Variants in UBAP2 observed in about 807,000 individuals in gnomAD.
UBAP2 encodes ubiquitin associated protein 2, also known as ubiquitin-associated protein 2.
Under a neutral mutation model 139.6 loss-of-function variants are expected in UBAP2, and 75 were observed. That is an observed-to-expected ratio of 0.54 (90% CI 0.45 to 0.65). The LOEUF (loss-of-function observed/expected upper bound fraction) is 0.65, where lower values mean the gene tolerates loss of function less well. Ranked by LOEUF, UBAP2 falls within the 30% of genes least tolerant of loss-of-function variation. UBAP2 has a pLI of 0.00. For synonymous variants in UBAP2, 526 were observed against 526.2 expected (o/e 1.00, Z 0.01); for missense variants, 1,368 against 1,369.6 (o/e 1.00, Z 0.02).
intron 27 of UBAP2, 28 bp downstream of exon 27, chr9:33,922,938 A>T: frequency 6.2e-7 from 1 of 1,614,110 alleles, no homozygotes; most frequent in Non-Finnish European, 8.5e-7. Flanking sequence ...TCAAAAACCT[A>T]TACACCCAAC....
intron 10 of UBAP2, among the ~76,000 whole-genome samples, chr9:33,958,028 T>G (rs570551484): frequency 1.1e-3 from 166 of 152,206 alleles, no homozygotes; most frequent in Non-Finnish European, 1.9e-3. Context: ...TCACTGAGGC[T>G]CACTGCAGCT....
At chr9:33,994,945 G>C (rs1478589886) in intron 4 of UBAP2, 1 of 152,114 alleles carries the variant, frequency 6.6e-6, no homozygotes, top group African/African-American at 2.4e-5. Flanking sequence ...GACACGGTCA[G>C]TTTGTTTGTT....
chr9:33,986,017 C>A (rs1435986491), intron 6 of UBAP2, among the ~76,000 whole-genome samples: 1 of 151,542 alleles, frequency 6.6e-6, no homozygotes, highest in Admixed American at 6.6e-5. Flanking sequence ...TAAGACCCTG[C>A]ATTTAATTAT....
Position 33,935,886 on chromosome 9 carries a change from G to T in UBAP2, c.1930-8C>A, listed in dbSNP as rs772149406. 1.9e-6 allele frequency: 3 copies of T among 1,610,942 alleles called. No individual in the cohort carries two copies. The Admixed American group carries it at 5.1e-5, about 27-fold the overall frequency. On this transcript the variant is annotated splice_polypyrimidine_tract_variant and splice_region_variant and intron_variant, in intron 16 of 28. Transcript: ENST00000379238. ...ACCACCACCATGTCCATTCTATAAG[G>T]AAAAGAAGAGAAGAGAATATAAACT...
chr9:34,019,608 G>C (rs542552898), intron 1 of UBAP2, among the ~76,000 whole-genome samples: 1 of 151,570 alleles, frequency 6.6e-6, no homozygotes, highest in African/African-American at 2.4e-5. Context: ...GTGGTTGCAC[G>C]ACAATGTAAA....
rs976131556 is a variant in UBAP2, at chr9:34,009,192, T to G, written c.99+7858A>C. 4.3e-4 allele frequency among the ~76,000 whole-genome samples: 66 copies of G among 151,818 alleles called. 1 individual carries two copies. Among genetic ancestry groups the G allele is most frequent in the African/African-American group, 1.4e-3 (60 of 41,456 alleles). The stretch of plus-strand genomic sequence containing the variant: ...TCGGCTCACTGCAACCTCTGCCTCC[T>G]GGGTTCAAGTGATTCTTGTGCCTCA... On this transcript the variant is annotated intron_variant, in intron 2 of 28. Coordinates refer to ENST00000379238, the MANE Select transcript of UBAP2 (RefSeq NM_001370062.2).
chr9:33,961,503 C>T (rs1827042137), intron 9 of UBAP2, among the ~76,000 whole-genome samples: 1 of 152,072 alleles, frequency 6.6e-6, no homozygotes, highest in Non-Finnish European at 1.5e-5. Context: ...TCATCCATAA[C>T]ACATCTAAGT....
intron 2 of UBAP2, 116 bp from the exon 3 acceptor site, chr9:33,998,980 T>G (rs1183940357): frequency 1.3e-6 from 1 of 753,038 alleles, no homozygotes; most frequent in Non-Finnish European, 2.2e-6. Flanking sequence ...TAACAACAAA[T>G]AAAAGACAGT....
intron 1 of UBAP2, among the ~76,000 whole-genome samples, chr9:34,028,335 CCTG>C (rs1487040343): frequency 2.0e-5 from 3 of 149,234 alleles, no homozygotes; most frequent in Admixed American, 6.8e-5. Flanking sequence ...CTATTCCTAT[CCTG>C]CTAATTCAGC....
rs764780223 is a variant in UBAP2, at chr9:33,948,501, T to C, written c.1143A>G (p.Lys381=). ...TGGTAAACTGGCCCAAACTCGGAGCTTTCAACTGGTCCAAAATCTGGGAGC... is the reference window on the plus strand; with the variant it reads ...TGGTAAACTGGCCCAAACTCGGAGCCTTCAACTGGTCCAAAATCTGGGAGC... ...ITSSQILDQL[K]APSLGQFTTT... Residue 381 remains lysine (K), a synonymous_variant, in exon 13 of 29, where the codon AAA becomes AAG. Coordinates refer to ENST00000379238, the MANE Select transcript of UBAP2 (RefSeq NM_001370062.2). 1 of 1,614,170 alleles carries C rather than the reference T, an allele frequency of 6.2e-7. No individual in the cohort carries two copies. The highest frequency in any genetic ancestry group is 1.1e-5 in the South Asian group (1 of 91,080).
intron 6 of UBAP2, among the ~76,000 whole-genome samples, chr9:33,983,581 G>A (rs978857837): frequency 1.3e-5 from 2 of 152,132 alleles, no homozygotes; most frequent in African/African-American, 4.8e-5. Context: ...TACTGTGACC[G>A]CCCTCCCTGG....
At chr9:33,999,253 T>C (rs1822474833) in intron 2 of UBAP2, among the ~76,000 whole-genome samples, 1 of 151,898 alleles carries the variant, frequency 6.6e-6, no homozygotes, top group Non-Finnish European at 1.5e-5. Flanking sequence ...AAGCACTGCT[T>C]GAGCCCAGGA....
chr9:33,935,160 T>TGGTGG, intron 17 of UBAP2, among the ~76,000 whole-genome samples: 1 of 19,632 alleles, frequency 5.1e-5, no homozygotes, highest in South Asian at 2.3e-3. Context: ...CTGTTGGAAG[T>TGGTGG]GGCGGGGGGG....
intron 2 of UBAP2, among the ~76,000 whole-genome samples, chr9:34,009,158 G>A (rs1427729651): frequency 3.3e-5 from 5 of 150,862 alleles, no homozygotes; most frequent in African/African-American, 9.7e-5. Flanking sequence ...GGAGCACAGT[G>A]GCACAGTCTC....
chr9:33,944,151 G>A lies in UBAP2; in HGVS notation c.1545+214C>T, dbSNP rs569031112. On this transcript the variant is annotated intron_variant, in intron 14 of 28. Transcript: ENST00000379238. ...TTCTCTGAGCCAGATCTTCAAATCT[G>A]TACTTGAAATAAGGATCTGTGGCTC... Among the ~76,000 whole-genome samples, 11 of 152,250 alleles carry A rather than the reference G, an allele frequency of 7.2e-5. No individual in the cohort carries two copies. The East Asian group carries it at 1.7e-3, about 24-fold the overall frequency.
intron 1 of UBAP2, among the ~76,000 whole-genome samples, chr9:34,035,456 C>T (rs1313664584): frequency 6.7e-5 from 9 of 133,874 alleles, no homozygotes; most frequent in African/African-American, 2.4e-4. Context: ...GAGCCGAGAT[C>T]GCGCCACTGC....
At chr9:34,015,286 G>A (rs1344592942) in intron 2 of UBAP2, among the ~76,000 whole-genome samples, 1 of 152,074 alleles carries the variant, frequency 6.6e-6, no homozygotes, top group Non-Finnish European at 1.5e-5. Flanking sequence ...AATTGAGGAG[G>A]AGGGAGTATT....
At chr9:34,045,154 G>A (rs1268757367) in intron 1 of UBAP2, among the ~76,000 whole-genome samples, 1 of 151,826 alleles carries the variant, frequency 6.6e-6, no homozygotes, top group Non-Finnish European at 1.5e-5. Flanking sequence ...AAGACCATCT[G>A]GCTAACACTG....
intron 6 of UBAP2, among the ~76,000 whole-genome samples, chr9:33,985,582 A>C (rs569419028): frequency 6.6e-6 from 1 of 152,218 alleles, no homozygotes; most frequent in African/African-American, 2.4e-5. Context: ...GATAAATATC[A>C]CACGTACTCA....
Sources: allele counts gnomAD v4.1 joint callset (sites outside exome capture counted in the v4.1 genomes callset), GRCh38; gene constraint gnomAD v4.1.1; transcripts MANE v1.5; gene names NCBI Gene and HGNC (gene_info 2026-07-23, HGNC 2026-07-21).